TBL1XR1: variants seen among roughly 807,000 people sequenced by gnomAD.
TBL1XR1 encodes the protein TBL1X/Y related 1, also known as F-box-like/WD repeat-containing protein TBL1XR1.
TBL1XR1 carries 5 observed loss-of-function variants against 66.9 expected under a neutral mutation model. The observed-to-expected ratio is 0.07, with a 90% CI of 0.04 to 0.16. TBL1XR1 has a LOEUF of 0.16. Ranked by LOEUF, TBL1XR1 falls within the 10% of genes least tolerant of loss-of-function variation. The pLI, the probability that TBL1XR1 is intolerant of heterozygous loss-of-function variation, is 1.00. For synonymous variants in TBL1XR1, 210 were observed against 206.0 expected (o/e 1.02, Z -0.17); for missense variants, 238 against 623.2 (o/e 0.38, Z 6.58).
chr3:177,102,071 T>C (rs1207445723), intron 1 of TBL1XR1, among the ~76,000 whole-genome samples: 1 of 152,210 alleles, frequency 6.6e-6, no homozygotes, highest in Non-Finnish European at 1.5e-5. Context: ...GAATGCTAAA[T>C]CAGATCATTC....
At chr3:177,131,384 C>T in intron 1 of TBL1XR1, 12 of 985,420 alleles carry the variant, frequency 1.2e-5, no homozygotes, top group Non-Finnish European at 1.4e-5. Context: ...TTCCTTAACA[C>T]TCACTGCCTC....
chr3:177,182,060 G>C (rs915835909), intron 1 of TBL1XR1, among the ~76,000 whole-genome samples: 16 of 152,212 alleles, frequency 1.1e-4, no homozygotes, highest in Admixed American at 9.2e-4. Flanking sequence ...CAAAGAGCAG[G>C]GTGCCAGGTT....
rs555702372 is a variant in TBL1XR1, at chr3:177,157,104, G to A, written c.-122+40017C>T. Among the ~76,000 whole-genome samples, 3 of 152,302 alleles carry A rather than the reference G, an allele frequency of 2.0e-5. 1 individual carries two copies. Among genetic ancestry groups the A allele is most frequent in the East Asian group, 1.9e-4 (1 of 5,184 alleles). ...TCTCACACCTGTAATCCCACTTTGGGAGGCTGAGGTAAGAGGACTGCTTGA... is the reference window on the plus strand; with the variant it reads ...TCTCACACCTGTAATCCCACTTTGGAAGGCTGAGGTAAGAGGACTGCTTGA... On this transcript the variant is annotated intron_variant, in intron 1 of 15. Coordinates refer to ENST00000457928, the MANE Select transcript of TBL1XR1 (RefSeq NM_024665.7).
chr3:177,179,348 G>A (rs951846616), intron 1 of TBL1XR1, among the ~76,000 whole-genome samples: 2 of 152,146 alleles, frequency 1.3e-5, no homozygotes, highest in East Asian at 3.8e-4. Context: ...AATCACGTAT[G>A]AACCAGAGCA....
chr3:177,189,126 T>C (rs1231132745), intron 1 of TBL1XR1, among the ~76,000 whole-genome samples: 2 of 152,032 alleles, frequency 1.3e-5, no homozygotes, highest in Non-Finnish European at 2.9e-5. Flanking sequence ...TAGAATCGCT[T>C]GAACCCAGGA....
chr3:177,112,436 C>G (rs1441350548), intron 1 of TBL1XR1, among the ~76,000 whole-genome samples: 1 of 151,892 alleles, frequency 6.6e-6, no homozygotes, highest in Non-Finnish European at 1.5e-5. Context: ...GCATGGAAAA[C>G]TTGTTTTGAT....
At chr3:177,122,081 G>A (rs977357962) in intron 1 of TBL1XR1, among the ~76,000 whole-genome samples, 7 of 151,936 alleles carry the variant, frequency 4.6e-5, no homozygotes, top group African/African-American at 1.4e-4. Flanking sequence ...AATAAGCAAC[G>A]TTTTATTCTA....
chr3:177,040,146 C>T (rs1251742092), intron 10 of TBL1XR1, among the ~76,000 whole-genome samples: 2 of 152,140 alleles, frequency 1.3e-5, no homozygotes. Flanking sequence ...AGTGGGACCT[C>T]ATTTCTAAAA....
chr3:177,177,959 G>T (rs77466843), intron 1 of TBL1XR1, among the ~76,000 whole-genome samples: 2 of 152,162 alleles, frequency 1.3e-5, no homozygotes, highest in South Asian at 4.1e-4. Context: ...GAAAACTGCC[G>T]CGGGTGGGCA....
At chr3:177,123,730 T>C (rs925676960) in intron 1 of TBL1XR1, among the ~76,000 whole-genome samples, 5 of 152,216 alleles carry the variant, frequency 3.3e-5, no homozygotes, top group African/African-American at 9.6e-5. Flanking sequence ...TTAAAACATA[T>C]GATTCAAACA....
At chr3:177,051,845 C>A in intron 4 of TBL1XR1, 119 bp from the exon 5 acceptor site, 1 of 1,270,312 alleles carries the variant, frequency 7.9e-7, no homozygotes. Flanking sequence ...TTTTTAGGAA[C>A]TTTCTGAATT....
At chr3:177,143,974 G>A (rs1347824254) in intron 1 of TBL1XR1, among the ~76,000 whole-genome samples, 2 of 152,278 alleles carry the variant, frequency 1.3e-5, no homozygotes, top group Non-Finnish European at 2.9e-5. Flanking sequence ...TATTCAGGCC[G>A]GGCATGGTGG....
intron 1 of TBL1XR1, among the ~76,000 whole-genome samples, chr3:177,179,090 C>A (rs1255538852): frequency 1.4e-5 from 2 of 140,678 alleles, no homozygotes; most frequent in Non-Finnish European, 3.0e-5. Context: ...GCACTCCAGC[C>A]TGGGCAACAA....
intron 1 of TBL1XR1, among the ~76,000 whole-genome samples, chr3:177,173,971 G>T (rs1194373927): frequency 2.0e-5 from 3 of 152,070 alleles, no homozygotes; most frequent in African/African-American, 7.2e-5. Flanking sequence ...AAAATCTTTA[G>T]AAGTGTTGTC....
At chr3:177,140,608 G>A (rs1004903936) in intron 1 of TBL1XR1, among the ~76,000 whole-genome samples, 7 of 152,284 alleles carry the variant, frequency 4.6e-5, no homozygotes, top group African/African-American at 1.4e-4. Context: ...ACACGACCTG[G>A]AAGAAACAGT....
chr3:177,134,141 G>GC (rs1728632448), intron 1 of TBL1XR1, among the ~76,000 whole-genome samples: 1 of 152,102 alleles, frequency 6.6e-6, no homozygotes, highest in Non-Finnish European at 1.5e-5. Flanking sequence ...CTTAACCACT[G>GC]CCAAGTCAGC....
chr3:177,108,098 C>G (rs540088096), intron 1 of TBL1XR1, among the ~76,000 whole-genome samples: 1 of 151,636 alleles, frequency 6.6e-6, no homozygotes, highest in South Asian at 2.1e-4. Context: ...TTCCCAGAAC[C>G]ATCCAAATTT....
intron 10 of TBL1XR1, among the ~76,000 whole-genome samples, chr3:177,043,515 T>C (rs1577008267): frequency 6.6e-6 from 1 of 152,190 alleles, no homozygotes; most frequent in African/African-American, 2.4e-5. Flanking sequence ...ACTTGAAATG[T>C]ATAAATGTAC....
chr3:177,049,190 A>G (rs1053268401), intron 7 of TBL1XR1, among the ~76,000 whole-genome samples: 6 of 152,220 alleles, frequency 3.9e-5, no homozygotes, highest in African/African-American at 1.4e-4. Context: ...CCCGGGGAAA[A>G]GAATTGGAAG....
Sources: allele counts gnomAD v4.1 joint callset (sites outside exome capture counted in the v4.1 genomes callset), GRCh38; gene constraint gnomAD v4.1.1; transcripts MANE v1.5; gene names NCBI Gene and HGNC (gene_info 2026-07-23, HGNC 2026-07-21).